The following NALCN variants were observed in gnomAD, a reference collection of about 807,000 sequenced individuals.
The protein encoded by NALCN is sodium leak channel NALCN.
Under a neutral mutation model 225.3 loss-of-function variants are expected in NALCN, and 111 were observed. The ratio of observed to expected loss-of-function variants is 0.49; its 90% CI spans 0.42 to 0.58. The LOEUF (loss-of-function observed/expected upper bound fraction) is 0.58, where lower values mean the gene tolerates loss of function less well. Ranked by LOEUF, NALCN falls within the 20% of genes least tolerant of loss-of-function variation. NALCN has a pLI of 0.00. For synonymous variants in NALCN, 764 were observed against 769.0 expected (o/e 0.99, Z 0.11); for missense variants, 1,378 against 2,202.4 (o/e 0.63, Z 7.49).
chr13:101,195,876 C>T (rs551359345), intron 13 of NALCN, among the ~76,000 whole-genome samples: 3 of 152,252 alleles, frequency 2.0e-5, no homozygotes, highest in South Asian at 2.1e-4. Context: ...TTTTCCATCT[C>T]GTGTCATGTA....
intron 13 of NALCN, among the ~76,000 whole-genome samples, chr13:101,208,971 T>G (rs2040424126): frequency 6.6e-6 from 1 of 152,214 alleles, no homozygotes; most frequent in African/African-American, 2.4e-5. Flanking sequence ...AATGCGTGTT[T>G]GCCCATTCAT....
At chr13:101,080,274 G>A (rs1223733751) in intron 34 of NALCN, among the ~76,000 whole-genome samples, 1 of 151,984 alleles carries the variant, frequency 6.6e-6, no homozygotes, top group African/African-American at 2.4e-5. Flanking sequence ...GCAGCCACAT[G>A]GAACCACATG....
At chr13:101,166,403 CTG>C (rs1208848794) in intron 15 of NALCN, among the ~76,000 whole-genome samples, 1 of 85,106 alleles carries the variant, frequency 1.2e-5, no homozygotes, top group Non-Finnish European at 2.2e-5. Flanking sequence ...TCTTGCCAAA[CTG>C]TTTTTTTTTT....
chr13:101,267,091 C>T (rs1201540369), intron 10 of NALCN, among the ~76,000 whole-genome samples: 3 of 152,156 alleles, frequency 2.0e-5, no homozygotes, highest in African/African-American at 2.4e-5. Context: ...CCAGCTGCCA[C>T]GCCCTATCAG....
chr13:101,341,102 T>C (rs1263345158), intron 7 of NALCN, among the ~76,000 whole-genome samples: 1 of 152,212 alleles, frequency 6.6e-6, no homozygotes, highest in African/African-American at 2.4e-5. Flanking sequence ...GTTTTCATCT[T>C]ATCTCTTCTA....
At chr13:101,191,033 A>G (rs951434545) in intron 14 of NALCN, among the ~76,000 whole-genome samples, 8 of 152,174 alleles carry the variant, frequency 5.3e-5, no homozygotes, top group African/African-American at 1.9e-4. Flanking sequence ...AATACTATCT[A>G]ATCGGGTGTT....
intron 27 of NALCN, among the ~76,000 whole-genome samples, chr13:101,095,990 C>T (rs980188340): frequency 6.6e-6 from 1 of 152,106 alleles, no homozygotes; most frequent in Admixed American, 6.5e-5. Context: ...CCGGAAAATG[C>T]AAATCAAAAC....
At chr13:101,340,562 C>T (rs775979834) in intron 7 of NALCN, among the ~76,000 whole-genome samples, 2 of 152,138 alleles carry the variant, frequency 1.3e-5, no homozygotes, top group African/African-American at 4.8e-5. Flanking sequence ...TTTACATTAA[C>T]TGTATAAGGT....
intron 6 of NALCN, among the ~76,000 whole-genome samples, chr13:101,359,043 G>C (rs2046147133): frequency 1.3e-5 from 2 of 152,226 alleles, no homozygotes; most frequent in East Asian, 3.9e-4. Flanking sequence ...GAGGGGCAGG[G>C]GGAGGGAGAG....
At chr13:101,268,075 C>T (rs2042656103) in intron 10 of NALCN, among the ~76,000 whole-genome samples, 1 of 152,152 alleles carries the variant, frequency 6.6e-6, no homozygotes, top group South Asian at 2.1e-4. Context: ...TTTCCCTCTA[C>T]AGTGATGTTG....
chr13:101,131,621 A>G (rs2036524853), intron 17 of NALCN, among the ~76,000 whole-genome samples: 1 of 152,030 alleles, frequency 6.6e-6, no homozygotes, highest in Non-Finnish European at 1.5e-5. Flanking sequence ...TTCAGAATGG[A>G]GCAAAGAAGA....
At chr13:101,335,117 CT>C (rs2045335769) in intron 7 of NALCN, among the ~76,000 whole-genome samples, 1 of 152,130 alleles carries the variant, frequency 6.6e-6, no homozygotes, top group Non-Finnish European at 1.5e-5. Flanking sequence ...CCAAAATTTA[CT>C]TTTAAAATTT....
At chr13:101,378,504 C>G (rs1355753256) in intron 4 of NALCN, 66 bp downstream of exon 4, 2 of 1,246,618 alleles carry the variant, frequency 1.6e-6, no homozygotes, top group African/African-American at 3.1e-5. Context: ...TCTATTTAGA[C>G]TTTTAATGCA....
chr13:101,391,597 C>G (rs1290901742), intron 3 of NALCN, among the ~76,000 whole-genome samples: 1 of 152,018 alleles, frequency 6.6e-6, no homozygotes, highest in Admixed American at 6.5e-5. Context: ...GGTGGGAGAT[C>G]TCTTGATCCC....
At chr13:101,058,687 T>A (rs2031565293) in intron 42 of NALCN, 2 of 151,094 alleles carry the variant, frequency 1.3e-5, no homozygotes, top group Middle Eastern at 6.8e-3. Flanking sequence ...CACCTCTTTC[T>A]TTCTTAGGCT....
chr13:101,317,210 A>G (rs1266012796), intron 7 of NALCN, among the ~76,000 whole-genome samples: 4 of 152,166 alleles, frequency 2.6e-5, no homozygotes, highest in Non-Finnish European at 5.9e-5. Flanking sequence ...TTTACTGTAC[A>G]AAAAAGTCTT....
chr13:101,168,670 C>T (rs757484466), intron 15 of NALCN, among the ~76,000 whole-genome samples: 2 of 152,172 alleles, frequency 1.3e-5, no homozygotes, highest in Non-Finnish European at 2.9e-5. Flanking sequence ...TCTGGGTGCC[C>T]TCCAGTGCAT....
rs751136575 is a variant in NALCN at position 101,376,764 on chromosome 13, T to C, written c.580A>G (p.Ile194Val). The change falls in exon 6 of 44, where the codon ATT becomes GTT. Residue 194 changes from isoleucine (I) to valine (V), a missense_variant. Transcript: ENST00000251127. ...GTTCCAAACATCTGAACTCCTAAAA[T>C]TCCATAAAGAAGTAGAAAGAAAAGT... ...FLLFFLLLYG[I>V]LGVQMFGTFT... is the part of the protein sequence containing the mutation. The C allele has an allele frequency of 6.2e-7, 1 of 1,613,598 alleles. No homozygotes were observed.
At chr13:101,279,889 T>C (rs1220778411) in intron 10 of NALCN, among the ~76,000 whole-genome samples, 1 of 144,856 alleles carries the variant, frequency 6.9e-6, no homozygotes, top group Admixed American at 7.0e-5. Context: ...AAAGAAGTGG[T>C]ATATGCTCCT....
Sources: allele counts gnomAD v4.1 joint callset (sites outside exome capture counted in the v4.1 genomes callset), GRCh38; gene constraint gnomAD v4.1.1; transcripts MANE v1.5; gene names NCBI Gene and HGNC (gene_info 2026-07-23, HGNC 2026-07-21).